PKD2L2: variants seen among roughly 807,000 people sequenced by gnomAD.
The protein encoded by PKD2L2 is polycystin 2 like 2, transient receptor potential cation channel.
Under a neutral mutation model 83.9 loss-of-function variants are expected in PKD2L2, and 67 were observed. The ratio of observed to expected loss-of-function variants is 0.80; its 90% CI spans 0.66 to 0.98. The LOEUF (loss-of-function observed/expected upper bound fraction) is 0.98, where lower values mean the gene tolerates loss of function less well. PKD2L2 is among the 50% of genes least tolerant of loss of function. The probability of loss-of-function intolerance (pLI) is 0.00; values close to 1 mark genes in which losing one functional copy is unlikely to be tolerated. For synonymous variants in PKD2L2, 223 were observed against 237.8 expected (o/e 0.94, Z 0.57); for missense variants, 632 against 717.2 (o/e 0.88, Z 1.36).
At chr5:137,929,868 A>G (rs1580990718) in intron 12 of PKD2L2, among the ~76,000 whole-genome samples, 1 of 152,162 alleles carries the variant, frequency 6.6e-6, no homozygotes, top group African/African-American at 2.4e-5. Flanking sequence ...ATGATCAAAG[A>G]CCTAAAAGGC....
intron 14 of PKD2L2, chr5:137,940,042 G>T (rs1347503440): frequency 6.2e-7 from 1 of 1,613,220 alleles, no homozygotes; most frequent in East Asian, 2.2e-5. Context: ...CATCACTTAC[G>T]CTCCCTTGAG....
intron 9 of PKD2L2, among the ~76,000 whole-genome samples, chr5:137,923,016 CTT>C (rs576285427): frequency 8.6e-5 from 12 of 139,204 alleles, no homozygotes; most frequent in Non-Finnish European, 9.4e-5. Context: ...TTTTTCTTTT[CTT>C]TTTTTTTTTT....
At chr5:137,906,557 C>T in intron 6 of PKD2L2, 123 bp downstream of exon 6, 1 of 577,090 alleles carries the variant, frequency 1.7e-6, no homozygotes, top group Non-Finnish European at 3.0e-6. Context: ...AAGTATCAAA[C>T]ATAAAATGTA....
chr5:137,918,365 A>G (rs1001127245), intron 8 of PKD2L2, among the ~76,000 whole-genome samples: 18 of 152,182 alleles, frequency 1.2e-4, no homozygotes, highest in Non-Finnish European at 2.2e-4. Flanking sequence ...GAATAAAGTG[A>G]GAGGTAGGGG....
At chr5:137,932,209 G>A (rs1328953011) in intron 12 of PKD2L2, among the ~76,000 whole-genome samples, 4 of 152,106 alleles carry the variant, frequency 2.6e-5, no homozygotes, top group Non-Finnish European at 4.4e-5. Context: ...TTAGCCAGGC[G>A]TGGTGGTGTG....
At chr5:137,924,778 T>C (rs1248801622) in intron 10 of PKD2L2, among the ~76,000 whole-genome samples, 1 of 152,196 alleles carries the variant, frequency 6.6e-6, no homozygotes, top group Non-Finnish European at 1.5e-5. Context: ...CAATACATGT[T>C]AACGCTTTTT....
At chr5:137,905,397 C>T (rs987492995) in intron 5 of PKD2L2, among the ~76,000 whole-genome samples, 2 of 152,170 alleles carry the variant, frequency 1.3e-5, no homozygotes, top group Admixed American at 6.5e-5. Context: ...CTTCACTTCA[C>T]TCACTGCCTA....
At chr5:137,929,090 G>T (rs1214085619) in intron 12 of PKD2L2, among the ~76,000 whole-genome samples, 1 of 152,064 alleles carries the variant, frequency 6.6e-6, no homozygotes, top group Non-Finnish European at 1.5e-5. Flanking sequence ...CAATGAAGAA[G>T]AATTTACAAG....
At chr5:137,921,790 T>A in intron 9 of PKD2L2, 34 bp downstream of exon 9, 2 of 1,478,854 alleles carry the variant, frequency 1.4e-6, no homozygotes, top group Non-Finnish European at 1.9e-6. Context: ...CATTTCTTAC[T>A]TTTTAGAATA....
intron 3 of PKD2L2, among the ~76,000 whole-genome samples, chr5:137,893,156 C>A (rs1006999842): frequency 6.6e-6 from 1 of 152,098 alleles, no homozygotes; most frequent in African/African-American, 2.4e-5. Flanking sequence ...GGGTTAGGAT[C>A]TAGTCTATAA....
At chr5:137,896,787 G>C (rs183973233) in intron 4 of PKD2L2, among the ~76,000 whole-genome samples, 2 of 151,870 alleles carry the variant, frequency 1.3e-5, no homozygotes, top group African/African-American at 4.8e-5. Context: ...CACTCTTCCT[G>C]TTCCTCTTAG....
chr5:137,938,446 G>C (rs1253494695), intron 14 of PKD2L2: 1 of 152,610 alleles, frequency 6.6e-6, no homozygotes, highest in South Asian at 2.1e-4. Context: ...CCTATCTGGA[G>C]ACTGAAGGAA....
intron 8 of PKD2L2, among the ~76,000 whole-genome samples, chr5:137,921,180 G>A (rs1758861462): frequency 6.6e-6 from 1 of 152,096 alleles, no homozygotes; most frequent in Non-Finnish European, 1.5e-5. Context: ...GGCCAACATG[G>A]TGAGGCTGTC....
intron 3 of PKD2L2, 64 bp from the exon 4 acceptor site, chr5:137,894,289 T>G: frequency 7.3e-7 from 1 of 1,361,988 alleles, no homozygotes; most frequent in Non-Finnish European, 1.0e-6. Context: ...TGCATAATGT[T>G]ATGAATGTAG....
At chr5:137,890,919 G>C (rs1755915360) in intron 2 of PKD2L2, among the ~76,000 whole-genome samples, 1 of 152,104 alleles carries the variant, frequency 6.6e-6, no homozygotes, top group African/African-American at 2.4e-5. Flanking sequence ...TTTGTTTAGA[G>C]TCATATAGAC....
intron 4 of PKD2L2, 61 bp downstream of exon 4, chr5:137,894,670 A>G: frequency 1.5e-6 from 2 of 1,333,188 alleles, no homozygotes; most frequent in South Asian, 2.6e-5. Flanking sequence ...TCTTTTAGAT[A>G]TGTGTCTTCC....
At chr5:137,912,801 C>CTTTTTTTTT (rs71583287) in intron 8 of PKD2L2, among the ~76,000 whole-genome samples, 3 of 99,856 alleles carry the variant, frequency 3.0e-5, no homozygotes, top group African/African-American at 7.4e-5. Flanking sequence ...TGTTTTCTTT[C>CTTTTTTTTT]TTTCTTTTTT....
chr5:137,925,587 G>A (rs1454228589), intron 11 of PKD2L2, among the ~76,000 whole-genome samples: 1 of 152,084 alleles, frequency 6.6e-6, no homozygotes, highest in Non-Finnish European at 1.5e-5. Flanking sequence ...CAATACTTAC[G>A]GACAATACTT....
chr5:137,912,986 T>A (rs1486229791), intron 8 of PKD2L2, among the ~76,000 whole-genome samples: 1 of 151,078 alleles, frequency 6.6e-6, no homozygotes, highest in African/African-American at 2.4e-5. Context: ...GTATTTTTAG[T>A]GGAGACGGGG....
Sources: allele counts gnomAD v4.1 joint callset (sites outside exome capture counted in the v4.1 genomes callset), GRCh38; gene constraint gnomAD v4.1.1; transcripts MANE v1.5; gene names NCBI Gene and HGNC (gene_info 2026-07-23, HGNC 2026-07-21).